Variants in B3GALT1 observed in about 807,000 individuals in gnomAD.
The protein encoded by B3GALT1 is beta-1,3-galactosyltransferase 1.
In B3GALT1, 10 loss-of-function variants were observed where a neutral mutation model predicts 23.2. That is an observed-to-expected ratio of 0.43 (90% CI 0.27 to 0.73). B3GALT1 has a LOEUF of 0.73. Among genes scored for constraint, B3GALT1 ranks in the 30% least tolerant of loss-of-function variants. The pLI, the probability that B3GALT1 is intolerant of heterozygous loss-of-function variation, is 0.21. For missense variants in B3GALT1, 299 were observed against 405.4 expected (o/e 0.74, Z 2.25); for synonymous variants, 156 against 141.5 (o/e 1.10, Z -0.73).
intron 3 of B3GALT1, chr2:167,714,897 G>C: frequency 2.5e-6 from 4 of 1,610,230 alleles, no homozygotes; most frequent in Non-Finnish European, 3.4e-6. Context: ...TCATTTTCTT[G>C]ATATAGTTCA....
At chr2:167,671,379 A>G (rs1215826431) in intron 3 of B3GALT1, among the ~76,000 whole-genome samples, 1 of 152,194 alleles carries the variant, frequency 6.6e-6, no homozygotes, top group Admixed American at 6.5e-5. Flanking sequence ...AAGTGCAAAG[A>G]GAATATTCTC....
At chr2:167,672,966 A>C (rs1330686200) in intron 3 of B3GALT1, among the ~76,000 whole-genome samples, 1 of 151,122 alleles carries the variant, frequency 6.6e-6, no homozygotes, top group Non-Finnish European at 1.5e-5. Flanking sequence ...CTAGGAGTGT[A>C]AGAGAGAGAG....
At chr2:167,701,606 G>C (rs1280591321) in intron 3 of B3GALT1, among the ~76,000 whole-genome samples, 2 of 152,080 alleles carry the variant, frequency 1.3e-5, no homozygotes, top group East Asian at 3.8e-4. Flanking sequence ...ATTGACAAAA[G>C]TTTTAAGATC....
In B3GALT1 at chr2:167,854,760, A is replaced by G. The variant is rs111753597; in HGVS notation, c.-229-14051A>G. The stretch of plus-strand genomic sequence containing the variant: ...TTCCAGGAAGAAAAGCTAAGGGGGA[A>G]TTGGAACAGGAGAGGAGTTGGCTAA... On this transcript the variant is annotated intron_variant, in intron 4 of 4. Coordinates refer to ENST00000392690, the MANE Select transcript of B3GALT1 (RefSeq NM_020981.4). 9.9e-4 allele frequency among the ~76,000 whole-genome samples: 150 copies of G among 152,280 alleles called. 1 individual carries two copies. The highest frequency in any genetic ancestry group is 3.5e-3 in the African/African-American group (144 of 41,580).
At chr2:167,763,184 A>T (rs2105300192) in intron 3 of B3GALT1, among the ~76,000 whole-genome samples, 1 of 152,336 alleles carries the variant, frequency 6.6e-6, no homozygotes, top group South Asian at 2.1e-4. Context: ...ATACGGGGTT[A>T]TACTAGGTAT....
intron 3 of B3GALT1, among the ~76,000 whole-genome samples, chr2:167,704,422 A>G (rs1244053978): frequency 6.6e-6 from 1 of 152,176 alleles, no homozygotes; most frequent in Non-Finnish European, 1.5e-5. Context: ...CTCCCTAGAG[A>G]TCATCTAACC....
chr2:167,689,910 G>A (rs1367557391), intron 3 of B3GALT1, among the ~76,000 whole-genome samples: 2 of 152,134 alleles, frequency 1.3e-5, no homozygotes, highest in African/African-American at 4.8e-5. Context: ...CATAAGGTTG[G>A]CATTACTTGA....
chr2:167,365,154 C>T (rs151055402), intron 1 of B3GALT1, among the ~76,000 whole-genome samples: 3,882 of 152,218 alleles, frequency 0.026, 59 homozygotes, highest in Non-Finnish European at 0.038. Flanking sequence ...TCCTGGGTTT[C>T]TCAGAATGAA....
chr2:167,459,213 A>G (rs1186068843), intron 1 of B3GALT1, among the ~76,000 whole-genome samples: 1 of 151,742 alleles, frequency 6.6e-6, no homozygotes, highest in Non-Finnish European at 1.5e-5. Flanking sequence ...ACTGTCTTTT[A>G]TGTTTAGTTG....
At chr2:167,598,675 A>G (rs548232744) in intron 2 of B3GALT1, among the ~76,000 whole-genome samples, 7 of 152,286 alleles carry the variant, frequency 4.6e-5, no homozygotes, top group Non-Finnish European at 7.4e-5. Flanking sequence ...TCCATCTCTA[A>G]CACATTCTCA....
At chr2:167,505,572 G>T (rs1397305417) in intron 2 of B3GALT1, among the ~76,000 whole-genome samples, 1 of 152,146 alleles carries the variant, frequency 6.6e-6, no homozygotes, top group Non-Finnish European at 1.5e-5. Context: ...GTAGATATTT[G>T]GAAAGCTTAT....
intron 1 of B3GALT1, among the ~76,000 whole-genome samples, chr2:167,293,621 G>A (rs1412959790): frequency 6.6e-6 from 1 of 152,162 alleles, no homozygotes; most frequent in Non-Finnish European, 1.5e-5. Flanking sequence ...CGAGAACAGT[G>A]GGTCCCCTCT....
intron 4 of B3GALT1, among the ~76,000 whole-genome samples, chr2:167,851,750 A>G (rs1358580463): frequency 2.0e-5 from 3 of 152,240 alleles, no homozygotes; most frequent in Admixed American, 2.0e-4. Context: ...ATAAATAATA[A>G]TCCTGATTTC....
chr2:167,360,935 A>C (rs1000729535), intron 1 of B3GALT1, among the ~76,000 whole-genome samples: 5 of 152,178 alleles, frequency 3.3e-5, no homozygotes, highest in East Asian at 1.9e-4. Context: ...ATTAGCTCCC[A>C]CATGAATGAG....
chr2:167,706,966 C>T (rs970110905), intron 3 of B3GALT1, among the ~76,000 whole-genome samples: 3 of 152,228 alleles, frequency 2.0e-5, no homozygotes, highest in Admixed American at 6.5e-5. Context: ...TGGCCTAAAT[C>T]CTCTCCTTTG....
At chr2:167,497,478 TCAC>T (rs769090662) in intron 2 of B3GALT1, among the ~76,000 whole-genome samples, 16 of 152,158 alleles carry the variant, frequency 1.1e-4, no homozygotes, top group Non-Finnish European at 2.1e-4. Context: ...ATTGTACCGA[TCAC>T]CAACTACTAA....
At chr2:167,787,458 C>T (rs973522154) in intron 3 of B3GALT1, among the ~76,000 whole-genome samples, 1 of 152,148 alleles carries the variant, frequency 6.6e-6, no homozygotes, top group Non-Finnish European at 1.5e-5. Context: ...TAGGATGTAC[C>T]AGCCAAATTG....
intron 1 of B3GALT1, among the ~76,000 whole-genome samples, chr2:167,322,289 GT>G (rs552269907): frequency 2.5e-3 from 379 of 150,894 alleles, no homozygotes; most frequent in Middle Eastern, 0.01. Context: ...ATATTTAATA[GT>G]TGAGTTTCTG....
At position 167,700,517 on chromosome 2, in the gene B3GALT1, T is replaced by C. The variant is rs6713947; in HGVS notation, c.-352+53551T>C. 7.1e-3 allele frequency among the ~76,000 whole-genome samples: 1,085 copies of C among 152,252 alleles called. 15 individuals are homozygous for C. The highest frequency in any genetic ancestry group is 0.025 in the African/African-American group (1,020 of 41,538). On this transcript the variant is annotated intron_variant, in intron 3 of 4. Transcript: ENST00000392690. ...CTTAGAAAATGTGCATTTTCTGAGATTTCAAGTCTAATTCTCAATGGACTA... is the reference window on the plus strand; with the variant it reads ...CTTAGAAAATGTGCATTTTCTGAGACTTCAAGTCTAATTCTCAATGGACTA...
Sources: gnomAD v4.1 joint callset for allele counts (sites outside exome capture counted in the v4.1 genomes callset) on GRCh38, gnomAD v4.1.1 for gene constraint, MANE v1.5 for transcripts, NCBI Gene and HGNC (gene_info 2026-07-23, HGNC 2026-07-21) for gene names.